The following CPS1 variants were observed in gnomAD, a reference collection of about 807,000 sequenced individuals.
The protein encoded by CPS1 is carbamoyl-phosphate synthase [ammonia], mitochondrial.
CPS1 carries 109 observed loss-of-function variants against 174.6 expected under a neutral mutation model. The observed-to-expected ratio is 0.62, with a 90% CI of 0.53 to 0.73. The LOEUF (loss-of-function observed/expected upper bound fraction) is 0.73. Among genes scored for constraint, CPS1 ranks in the 30% least tolerant of loss-of-function variants. The probability of loss-of-function intolerance (pLI) is 0.00; values close to 1 mark genes in which losing one functional copy is unlikely to be tolerated. For synonymous variants in CPS1, 637 were observed against 632.0 expected (o/e 1.01, Z -0.12); for missense variants, 1,689 against 1,821.9 (o/e 0.93, Z 1.33).
chr2:210,609,740 AT>A, intron 19 of CPS1, among the ~76,000 whole-genome samples: 1 of 151,928 alleles, frequency 6.6e-6, no homozygotes, highest in East Asian at 2.0e-4. Flanking sequence ...TTTATGACAT[AT>A]TTTTCCATAT....
intron 1 of CPS1, among the ~76,000 whole-genome samples, chr2:210,526,490 T>A (rs1374526420): frequency 6.6e-6 from 1 of 152,010 alleles, no homozygotes; most frequent in Non-Finnish European, 1.5e-5. Context: ...AGTTTTCTTA[T>A]CTGTAAAAGA....
At chr2:210,525,724 T>C (rs911966931) in intron 1 of CPS1, among the ~76,000 whole-genome samples, 2 of 151,386 alleles carry the variant, frequency 1.3e-5, no homozygotes, top group African/African-American at 4.9e-5. Flanking sequence ...AGAGGATAGC[T>C]GGGCTGAGCC....
chr2:210,529,089 G>T (rs182765285), intron 1 of CPS1, among the ~76,000 whole-genome samples: 2 of 151,978 alleles, frequency 1.3e-5, no homozygotes, highest in Non-Finnish European at 2.9e-5. Context: ...AGTGAAAATA[G>T]AACTGGGAAT....
intron 5 of CPS1, among the ~76,000 whole-genome samples, chr2:210,580,733 C>A (rs1464776899): frequency 6.6e-6 from 1 of 151,574 alleles, no homozygotes; most frequent in Non-Finnish European, 1.5e-5. Flanking sequence ...TAGTGGTGCA[C>A]ACCTGTAATC....
At chr2:210,650,702 C>G (rs1700533096) in intron 28 of CPS1, among the ~76,000 whole-genome samples, 1 of 152,104 alleles carries the variant, frequency 6.6e-6, no homozygotes, top group South Asian at 2.1e-4. Flanking sequence ...CATATTTTAT[C>G]AAAACAGATT....
chr2:210,607,728 G>A (rs1012547820), intron 18 of CPS1, among the ~76,000 whole-genome samples: 2 of 151,782 alleles, frequency 1.3e-5, no homozygotes, highest in Non-Finnish European at 2.9e-5. Flanking sequence ...CATTTGTTAG[G>A]TGGAAGTTGT....
At position 210,590,912 on chromosome 2, in the gene CPS1, G is replaced by A. The variant is rs1158085846; in HGVS notation, c.947+6G>A. 7 of 1,608,470 alleles carry A rather than the reference G, an allele frequency of 4.4e-6. No individual in the cohort carries two copies. Among genetic ancestry groups the A allele is most frequent in the Non-Finnish European group, 5.1e-6 (6 of 1,176,350 alleles). On this transcript the variant is annotated splice_donor_region_variant and intron_variant, in intron 9 of 37. Transcript: ENST00000233072. The stretch of plus-strand genomic sequence containing the variant: ...AAGATGTCCATGGCCAACAGGTGAG[G>A]TATTTTCACTTTTGCTTACAGTAAA...
At chr2:210,528,840 A>G (rs955821608) in intron 1 of CPS1, among the ~76,000 whole-genome samples, 1 of 121,856 alleles carries the variant, frequency 8.2e-6, no homozygotes, top group Non-Finnish European at 1.7e-5. Context: ...TTTTTTGAGT[A>G]GCTTCCTCGG....
chr2:210,664,866 A>G (rs2105928192), intron 33 of CPS1, among the ~76,000 whole-genome samples: 1 of 152,336 alleles, frequency 6.6e-6, no homozygotes, highest in East Asian at 1.9e-4. Flanking sequence ...ATTCTAGCTT[A>G]GTAAAATCTT....
Position 210,647,906 on chromosome 2 carries a change from A to G in CPS1, c.3185A>G (p.Asn1062Ser), listed in dbSNP as rs1181265032. 6.2e-7 allele frequency: 1 copy of G among 1,614,046 alleles called. No homozygotes were observed. The highest frequency in any genetic ancestry group is 8.5e-7 in the Non-Finnish European group (1 of 1,179,950). ...ATATCAGTTGGAGGCCAGATTCCAA[A>G]CAACCTGGCAGTTCCTCTATACAAG... The part of the protein sequence containing the change: ...CIISVGGQIP[N>S]NLAVPLYKNG... Residue 1062 changes from asparagine to serine, a missense_variant, in exon 26 of 38, where the codon AAC becomes AGC. Asn to Ser is a conservative substitution (Grantham distance 46). Transcript: ENST00000233072.
At chr2:210,625,159 T>C (rs1699659283) in intron 21 of CPS1, among the ~76,000 whole-genome samples, 2 of 152,026 alleles carry the variant, frequency 1.3e-5, no homozygotes, top group African/African-American at 4.8e-5. Context: ...AAGCCATTTG[T>C]TGATGAATAA....
At chr2:210,490,660 G>C (rs1248743271) in intron 1 of CPS1, among the ~76,000 whole-genome samples, 5 of 152,208 alleles carry the variant, frequency 3.3e-5, no homozygotes, top group African/African-American at 9.6e-5. Flanking sequence ...AAATAAAAGA[G>C]AGGCTGTCTT....
intron 1 of CPS1, among the ~76,000 whole-genome samples, chr2:210,505,468 C>A (rs1281439065): frequency 1.3e-5 from 2 of 152,114 alleles, no homozygotes; most frequent in African/African-American, 4.8e-5. Flanking sequence ...GTGAGCGACA[C>A]AGAAGACGAA....
intron 1 of CPS1, among the ~76,000 whole-genome samples, chr2:210,515,550 T>C (rs539582472): frequency 6.6e-6 from 1 of 151,924 alleles, no homozygotes; most frequent in South Asian, 2.1e-4. Flanking sequence ...GGTGCTAATG[T>C]CACTTTTGTT....
chr2:210,658,777 CCAGA>C lies in CPS1; in HGVS notation c.3756+92_3756+95del, dbSNP rs564478148. On this transcript the variant is annotated intron_variant, in intron 31 of 37. Transcript: ENST00000233072. ...TCTCTGGTAATCTTCTCTGTGAACA[CCAGA>C]CAAAGAGCAACTGAGACCCCTGGAT... 2.3e-4 allele frequency: 222 copies of C among 962,124 alleles called. 3 individuals are homozygous for C. In the African/African-American group the frequency reaches 3.3e-3, roughly 14 times the overall value. The allele number at this position is 962,124 out of a possible 1,614,324, so 59.6% of individuals were successfully genotyped here.
chr2:210,595,246 A>C (rs1698446654), intron 12 of CPS1, among the ~76,000 whole-genome samples: 1 of 151,806 alleles, frequency 6.6e-6, no homozygotes, highest in Non-Finnish European at 1.5e-5. Context: ...ATAAAATGTA[A>C]ACCTCTGCCA....
At chr2:210,512,323 A>T (rs1225127288) in intron 1 of CPS1, among the ~76,000 whole-genome samples, 1 of 151,584 alleles carries the variant, frequency 6.6e-6, no homozygotes, top group East Asian at 1.9e-4. Flanking sequence ...TGGGCATAGT[A>T]CCCAACAATT....
rs1696957025 is a variant in CPS1 at position 210,557,652 on chromosome 2, T to C, written c.126+793T>C. Among the ~76,000 whole-genome samples, 3 of 152,100 alleles carry C rather than the reference T, an allele frequency of 2.0e-5. No individual in the cohort carries two copies. In the South Asian group the frequency reaches 6.2e-4, roughly 32 times the overall value. Reference sequence around the variant, plus strand: ...AGTTACTCCATAGGAACTTTGCCAATGAAAATAATCTTTAGTGACTATAAG... The same window carrying C: ...AGTTACTCCATAGGAACTTTGCCAACGAAAATAATCTTTAGTGACTATAAG... On this transcript the variant is annotated intron_variant, in intron 1 of 37. Coordinates refer to ENST00000233072, the MANE Select transcript of CPS1 (RefSeq NM_001875.5).
chr2:210,550,290 G>T (rs1559071772), intron 1 of CPS1, among the ~76,000 whole-genome samples: 1 of 151,788 alleles, frequency 6.6e-6, no homozygotes. Context: ...TCCCACTCAT[G>T]TATTCTTCCC....
Sources: gnomAD v4.1 joint callset for allele counts (sites outside exome capture counted in the v4.1 genomes callset) on GRCh38, gnomAD v4.1.1 for gene constraint, MANE v1.5 for transcripts, NCBI Gene and HGNC (gene_info 2026-07-23, HGNC 2026-07-21) for gene names.